DNAAF11: variants seen among roughly 807,000 people sequenced by gnomAD.
DNAAF11 encodes the protein leucine rich repeat containing 6.
DNAAF11 carries 45 observed loss-of-function variants against 60.8 expected under a neutral mutation model. The ratio of observed to expected loss-of-function variants is 0.74; its 90% CI spans 0.58 to 0.95. The LOEUF is 0.95. Among genes scored for constraint, DNAAF11 ranks in the 40% least tolerant of loss-of-function variants. DNAAF11 has a pLI of 0.00. For synonymous variants in DNAAF11, 191 were observed against 183.5 expected, an observed-to-expected ratio of 1.04 and a Z score of -0.33; for missense variants, 546 against 546.2, an observed-to-expected ratio of 1.00 and a Z score of 0.00.
intron 10 of DNAAF11, among the ~76,000 whole-genome samples, chr8:132,597,582 G>A (rs868290755): frequency 2.4e-4 from 37 of 152,162 alleles, no homozygotes; most frequent in African/African-American, 8.7e-4. Context: ...TCACTTCCAG[G>A]AAACACAGAA....
At chr8:132,672,527 C>A (rs1825284859) in intron 1 of DNAAF11, among the ~76,000 whole-genome samples, 1 of 152,110 alleles carries the variant, frequency 6.6e-6, no homozygotes, top group South Asian at 2.1e-4. Flanking sequence ...GCTTACCATC[C>A]CAGATATACC....
chr8:132,582,176 T>A (rs1304464907), intron 11 of DNAAF11, among the ~76,000 whole-genome samples: 1 of 152,194 alleles, frequency 6.6e-6, no homozygotes, highest in East Asian at 1.9e-4. Flanking sequence ...TTGCCCAGCC[T>A]GAAGCTGGGA....
At chr8:132,628,812 G>A (rs1417648149) in intron 5 of DNAAF11, among the ~76,000 whole-genome samples, 1 of 152,166 alleles carries the variant, frequency 6.6e-6, no homozygotes, top group Admixed American at 6.5e-5. Context: ...CCCACTGTAA[G>A]CTTCTACTAA....
At chr8:132,675,682 C>A (rs1019615451), upstream of DNAAF11, 2 of 506,754 alleles carry the variant, frequency 3.9e-6, no homozygotes, top group African/African-American at 2.0e-5. Context: ...GCAGAGGAGA[C>A]CGCAGTGAAG....
the DNAAF11 span, among the ~76,000 whole-genome samples, chr8:132,690,664 C>G: frequency 2.6e-5 from 4 of 152,184 alleles, no homozygotes; most frequent in East Asian, 7.7e-4. Context: ...CAGGATCCAA[C>G]CCAGGTTACC....
At position 132,661,480 on chromosome 8, in the gene DNAAF11, T is replaced by C. The variant is rs776905197; in HGVS notation, c.158A>G (p.Asn53Ser). ...CRDLKILYLQ[N>S]NLIGKIENVS... ...CTTACCAATTTTCCCAATAAGATTA[T>C]TTTGAAGATAGAGAATTTTTAAATC... Residue 53 changes from asparagine to serine, a missense_variant, in exon 2 of 12, where the codon AAT becomes AGT. By Grantham distance (46) the Asn-to-Ser change is conservative (BLOSUM62 1). Transcript: ENST00000620350. The C allele has an allele frequency of 1.2e-6, 2 of 1,612,706 alleles. No individual in the cohort carries two copies. The highest frequency in any genetic ancestry group is 2.7e-5 in the African/African-American group (2 of 74,898).
chr8:132,700,712 C>G, the DNAAF11 span, among the ~76,000 whole-genome samples: 1 of 152,024 alleles, frequency 6.6e-6, no homozygotes, highest in African/African-American at 2.4e-5. Flanking sequence ...GAAATAGAAA[C>G]AGAATCTGAT....
intron 1 of DNAAF11, among the ~76,000 whole-genome samples, chr8:132,673,975 A>C (rs1275116349): frequency 6.6e-6 from 1 of 152,112 alleles, no homozygotes; most frequent in Non-Finnish European, 1.5e-5. Context: ...GCAAAGGAAA[A>C]TTCCCGACAT....
chr8:132,602,760 T>C lies in DNAAF11; in HGVS notation c.1140+7406A>G, dbSNP rs939138956. 3.8e-3 allele frequency among the ~76,000 whole-genome samples: 565 copies of C among 150,622 alleles called. 4 individuals are homozygous for C. The highest frequency in any genetic ancestry group is 0.013 in the African/African-American group (537 of 41,052). On this transcript the variant is annotated intron_variant, in intron 10 of 11. Coordinates refer to ENST00000620350, the MANE Select transcript of DNAAF11 (RefSeq NM_012472.6). ...TTAATTTGAAATATATATATATATA[T>C]ATATATATACACACAGCACACATAC...
Position 132,637,992 on chromosome 8 carries a change from T to C in DNAAF11, c.372A>G (p.Pro124=), listed in dbSNP as rs369647108. Residue 124 remains proline, a synonymous_variant, in exon 4 of 12, where the codon CCA becomes CCG. Coordinates refer to ENST00000620350, the MANE Select transcript of DNAAF11 (RefSeq NM_012472.6). Reference sequence around the variant, plus strand: ...CCCTATAGTGGTCAAAGGAAGCACATGGGTTCCCCATGAGAAAGAGCTCCT... The same window carrying C: ...CCCTATAGTGGTCAAAGGAAGCACACGGGTTCCCCATGAGAAAGAGCTCCT... ...HLKELFLMGN[P]CASFDHYREF... The C allele has an allele frequency of 5.0e-6, 8 of 1,614,010 alleles. No homozygotes were observed. The African/African-American group carries it at 8.0e-5, about 16-fold the overall frequency.
intron 1 of DNAAF11, among the ~76,000 whole-genome samples, chr8:132,668,561 C>G (rs1007428408): frequency 6.6e-6 from 1 of 152,100 alleles, no homozygotes; most frequent in Non-Finnish European, 1.5e-5. Context: ...GCCTCAGACT[C>G]CCCAGTAGCT....
the DNAAF11 span, among the ~76,000 whole-genome samples, chr8:132,683,369 A>G: frequency 6.6e-6 from 1 of 152,174 alleles, no homozygotes; most frequent in Non-Finnish European, 1.5e-5. Flanking sequence ...TCATTGAGCT[A>G]AAGACTCCCT....
At position 132,638,092 on chromosome 8, in the gene DNAAF11, G is replaced by C. The variant is rs770211764; in HGVS notation, c.272C>G (p.Ala91Gly). ...IENLEGCEEL[A>G]KLDLTVNFIG... ...GAAATTCACAGTCAGGTCAAGTTTTGCCAGCTCTTCACATCCTGTTGAGAA... is the reference window on the plus strand; with the variant it reads ...GAAATTCACAGTCAGGTCAAGTTTTCCCAGCTCTTCACATCCTGTTGAGAA... Residue 91 changes from alanine (A) to glycine (G), a missense_variant, in exon 4 of 12, where the codon GCA becomes GGA. Ala to Gly is a moderately conservative substitution (Grantham distance 60). Coordinates refer to ENST00000620350, the MANE Select transcript of DNAAF11 (RefSeq NM_012472.6). 13 of 1,613,512 alleles carry C rather than the reference G, an allele frequency of 8.1e-6. No individual in the cohort carries two copies. The highest frequency in any genetic ancestry group is 9.3e-6 in the Non-Finnish European group (11 of 1,179,856).
At chr8:132,692,561 A>G in the DNAAF11 span, among the ~76,000 whole-genome samples, 1 of 152,232 alleles carries the variant, frequency 6.6e-6, no homozygotes, top group Admixed American at 6.5e-5. Flanking sequence ...AGACAAATGC[A>G]CGCAGAACAA....
At chr8:132,659,603 C>G (rs1248132622) in intron 2 of DNAAF11, among the ~76,000 whole-genome samples, 1 of 152,140 alleles carries the variant, frequency 6.6e-6, no homozygotes, top group Admixed American at 6.5e-5. Flanking sequence ...TTTAATTGAA[C>G]AATGTGCCAG....
chr8:132,675,577 CG>C (rs1466326226), upstream of DNAAF11: 4 of 1,382,296 alleles, frequency 2.9e-6, no homozygotes, highest in Admixed American at 4.9e-5. Flanking sequence ...CTCCTCAGCG[CG>C]TCCCCGTCGG....
At chr8:132,697,958 T>A in the DNAAF11 span, among the ~76,000 whole-genome samples, 1 of 152,142 alleles carries the variant, frequency 6.6e-6, no homozygotes, top group Non-Finnish European at 1.5e-5. Flanking sequence ...AAAATATTAA[T>A]AAAATGTATG....
chr8:132,608,299 C>T (rs1257986576), intron 10 of DNAAF11: 2 of 181,628 alleles, frequency 1.1e-5, no homozygotes, highest in Admixed American at 1.1e-4. Context: ...AAAAATATAT[C>T]CCTCAAGGGA....
At chr8:132,593,348 T>TAC (rs1360599325) in intron 10 of DNAAF11, among the ~76,000 whole-genome samples, 1 of 144,028 alleles carries the variant, frequency 6.9e-6, no homozygotes, top group Non-Finnish European at 1.5e-5. Flanking sequence ...TATATATATA[T>TAC]ATATATATAT....
Sources: gnomAD v4.1 joint callset for allele counts (sites outside exome capture counted in the v4.1 genomes callset) on GRCh38, gnomAD v4.1.1 for gene constraint, MANE v1.5 for transcripts, NCBI Gene and HGNC (gene_info 2026-07-23, HGNC 2026-07-21) for gene names.